The following AFG1L variants were observed in gnomAD, a reference collection of about 807,000 sequenced individuals.
AFG1L encodes AFG1 like ATPase.
A neutral mutation model predicts 62.2 loss-of-function variants in AFG1L; 53 were observed. That is an observed-to-expected ratio of 0.85 (90% CI 0.68 to 1.07). The LOEUF is 1.07. Among genes scored for constraint, AFG1L ranks in the 50% least tolerant of loss-of-function variants. AFG1L has a pLI of 0.00. For missense variants in AFG1L, 555 were observed against 590.5 expected, an observed-to-expected ratio of 0.94 and a Z score of 0.62; for synonymous variants, 228 against 210.3, an observed-to-expected ratio of 1.08 and a Z score of -0.73.
chr6:108,403,105 A>G (rs1781702385), intron 7 of AFG1L, among the ~76,000 whole-genome samples: 1 of 152,198 alleles, frequency 6.6e-6, no homozygotes. Flanking sequence ...GGATAATAGA[A>G]TTATGAACTA....
rs1312443813 is a variant in AFG1L, at chr6:108,510,254, G to A, written c.1105G>A (p.Asp369Asn). 1 of 1,611,860 alleles carries A rather than the reference G, an allele frequency of 6.2e-7. No individual in the cohort carries two copies. Among genetic ancestry groups the A allele is most frequent in the Non-Finnish European group, 8.5e-7 (1 of 1,178,816 alleles). ...CTATTTGGAACTATCAAAGAATTTTGATACAATATTTTTACGAAACATTCC... is the reference window on the plus strand; with the variant it reads ...CTATTTGGAACTATCAAAGAATTTTAATACAATATTTTTACGAAACATTCC... ...SDYLELSKNF[D>N]TIFLRNIPQF... Residue 369 changes from aspartate (D) to asparagine (N), a missense_variant, in exon 11 of 13, where the codon GAT becomes AAT. Asp to Asn is a conservative substitution (Grantham distance 23). Transcript: ENST00000368977.
chr6:108,404,499 AAT>A (rs1217012693), intron 7 of AFG1L, among the ~76,000 whole-genome samples: 1 of 152,048 alleles, frequency 6.6e-6, no homozygotes, highest in African/African-American at 2.4e-5. Flanking sequence ...ATTTCTTCAA[AAT>A]AGTGAGTACT....
At chr6:108,307,449 C>T (rs1174804839) in intron 1 of AFG1L, among the ~76,000 whole-genome samples, 6 of 147,190 alleles carry the variant, frequency 4.1e-5, no homozygotes. Context: ...TTTGCCCAGT[C>T]GCCCAGGCTG....
chr6:108,361,765 C>A (rs528679487), intron 5 of AFG1L, among the ~76,000 whole-genome samples: 48 of 152,266 alleles, frequency 3.2e-4, no homozygotes, highest in African/African-American at 9.9e-4. Context: ...GCTCAATTAC[C>A]TCCTTAACAA....
chr6:108,327,252 A>G (rs911205566), intron 2 of AFG1L, among the ~76,000 whole-genome samples: 1 of 152,244 alleles, frequency 6.6e-6, no homozygotes, highest in Admixed American at 6.5e-5. Flanking sequence ...GCAGAAAGAA[A>G]TGGAGATTTA....
At chr6:108,352,881 A>G (rs563787235) in intron 3 of AFG1L, among the ~76,000 whole-genome samples, 82 of 151,976 alleles carry the variant, frequency 5.4e-4, no homozygotes, top group Admixed American at 1.4e-3. Context: ...ATTATTTTTT[A>G]TTTTAAAAAA....
intron 6 of AFG1L, among the ~76,000 whole-genome samples, chr6:108,370,570 G>A (rs780337972): frequency 6.6e-6 from 1 of 152,044 alleles, no homozygotes; most frequent in South Asian, 2.1e-4. Context: ...GAATTATGTA[G>A]CCTGGGTTAA....
At chr6:108,365,429 G>A (rs896662210) in intron 5 of AFG1L, among the ~76,000 whole-genome samples, 5 of 144,098 alleles carry the variant, frequency 3.5e-5, no homozygotes, top group African/African-American at 1.3e-4. Context: ...TGCATTTCTT[G>A]TATTGTCACA....
chr6:108,341,831 G>T (rs745541684), intron 2 of AFG1L, among the ~76,000 whole-genome samples: 1 of 152,034 alleles, frequency 6.6e-6, no homozygotes, highest in Non-Finnish European at 1.5e-5. Flanking sequence ...TAAGATACAG[G>T]TAACTTGTGA....
intron 1 of AFG1L, among the ~76,000 whole-genome samples, chr6:108,298,300 C>G (rs2114811567): frequency 7.1e-6 from 1 of 141,164 alleles, no homozygotes; most frequent in South Asian, 2.3e-4. Context: ...GAGTCTCGCT[C>G]TGTCACCCAG....
chr6:108,362,911 AAG>A (rs1380115374), intron 5 of AFG1L, among the ~76,000 whole-genome samples: 1 of 152,228 alleles, frequency 6.6e-6, no homozygotes, highest in Non-Finnish European at 1.5e-5. Flanking sequence ...TTTATTAAAA[AAG>A]AGTTTTTAAG....
At chr6:108,298,260 ATTTTTTTT>A (rs779200181) in intron 1 of AFG1L, among the ~76,000 whole-genome samples, 1 of 121,502 alleles carries the variant, frequency 8.2e-6, no homozygotes, top group African/African-American at 3.3e-5. Context: ...GAGGGGAAGA[ATTTTTTTT>A]TTTTTTTTTT....
intron 7 of AFG1L, among the ~76,000 whole-genome samples, chr6:108,434,964 T>G (rs537151165): frequency 2.6e-5 from 4 of 152,340 alleles, no homozygotes; most frequent in East Asian, 3.9e-4. Flanking sequence ...GCCACATTTT[T>G]GGGGTTAGTT....
chr6:108,323,103 G>A (rs1377700413), intron 1 of AFG1L, among the ~76,000 whole-genome samples: 1 of 152,150 alleles, frequency 6.6e-6, no homozygotes, highest in Non-Finnish European at 1.5e-5. Flanking sequence ...GAGAATTAAG[G>A]AACAGTGGAA....
At chr6:108,394,319 G>GTT (rs929700574) in intron 6 of AFG1L, among the ~76,000 whole-genome samples, 1 of 150,512 alleles carries the variant, frequency 6.6e-6, no homozygotes, top group East Asian at 2.0e-4. Flanking sequence ...GGCTAATCTT[G>GTT]TTTTTTTTTA....
intron 7 of AFG1L, among the ~76,000 whole-genome samples, chr6:108,441,773 C>G (rs564346272): frequency 1.1e-3 from 169 of 150,180 alleles, no homozygotes; most frequent in African/African-American, 3.9e-3. Flanking sequence ...GTGCTAACAT[C>G]TAAGTGCTTT....
At chr6:108,397,585 C>T (rs776514254) in intron 6 of AFG1L, among the ~76,000 whole-genome samples, 38 of 152,096 alleles carry the variant, frequency 2.5e-4, no homozygotes, top group Admixed American at 4.6e-4. Flanking sequence ...TTTTTTGTAC[C>T]CATTATCCAT....
At chr6:108,501,140 C>T (rs893162538) in intron 10 of AFG1L, among the ~76,000 whole-genome samples, 1 of 152,068 alleles carries the variant, frequency 6.6e-6, no homozygotes, top group Non-Finnish European at 1.5e-5. Flanking sequence ...ATTACAGGCA[C>T]GCACCACCAT....
At chr6:108,458,034 C>T (rs1016466124) in intron 8 of AFG1L, among the ~76,000 whole-genome samples, 9 of 152,090 alleles carry the variant, frequency 5.9e-5, no homozygotes, top group African/African-American at 1.9e-4. Flanking sequence ...TCCTTCTCTG[C>T]ATAAGGATAT....
Sources: allele counts gnomAD v4.1 joint callset (sites outside exome capture counted in the v4.1 genomes callset), GRCh38; gene constraint gnomAD v4.1.1; transcripts MANE v1.5; gene names NCBI Gene and HGNC (gene_info 2026-07-23, HGNC 2026-07-21).